Variants in SYNPO observed in about 807,000 individuals in gnomAD.
SYNPO encodes synaptopodin.
SYNPO carries 19 observed loss-of-function variants against 49.5 expected under a neutral mutation model. That is an observed-to-expected ratio of 0.38 (90% confidence interval 0.27 to 0.56). SYNPO has a LOEUF of 0.56. Among genes scored for constraint, SYNPO ranks in the 20% least tolerant of loss-of-function variants. The pLI, the probability that SYNPO is intolerant of heterozygous loss-of-function variation, is 0.68. For synonymous variants in SYNPO, 536 were observed against 548.0 expected (o/e 0.98, Z 0.31); for missense variants, 1,131 against 1,248.3 (o/e 0.91, Z 1.42).
upstream of SYNPO, among the ~76,000 whole-genome samples, chr5:150,600,008 G>T (rs967872366): frequency 1.1e-4 from 17 of 152,300 alleles, no homozygotes; most frequent in African/African-American, 4.1e-4. Flanking sequence ...GGAACAGCTT[G>T]CCGGCAAAAC....
intron 1 of SYNPO, among the ~76,000 whole-genome samples, chr5:150,613,765 A>G (rs1756913015): frequency 6.6e-6 from 1 of 152,170 alleles, no homozygotes; most frequent in South Asian, 2.1e-4. Context: ...TTCCACCTAT[A>G]AAATTAGATC....
At chr5:150,602,426 T>C (rs997386251) in intron 1 of SYNPO, among the ~76,000 whole-genome samples, 2 of 151,388 alleles carry the variant, frequency 1.3e-5, no homozygotes, top group African/African-American at 4.9e-5. Flanking sequence ...TAACAAGGAG[T>C]GTGTGTTGTT....
rs1415543673 is a variant in SYNPO at position 150,657,428 on chromosome 5, TCTCTCACACACACACACACA to T, written c.*343_*362del. 1 of 169,220 alleles carries T rather than the reference TCTCTCACACACACACACACA, an allele frequency of 5.9e-6. No homozygotes were observed. Among genetic ancestry groups the T allele is most frequent in the African/African-American group, 4.4e-5 (1 of 22,650 alleles). 10.5% of individuals were successfully genotyped at this position (169,220 alleles called of 1,614,324 possible). A position where few individuals can be genotyped will look rare whatever the true frequency, so the allele number is the denominator to read the frequency against. Reference sequence around the variant, plus strand: ...CACACTCTCTCTTTCTCTCTCTCTCTCTCTCACACACACACACACACACACACACACACACACACACACAC... The same window carrying T: ...CACACTCTCTCTTTCTCTCTCTCTCTCACACACACACACACACACACACAC... On this transcript the variant is annotated 3_prime_UTR_variant, in exon 3 of 3. Transcript: ENST00000307662.
At chr5:150,647,920 C>T in intron 1 of SYNPO, 24 bp from the exon 2 acceptor site, 1 of 1,540,958 alleles carries the variant, frequency 6.5e-7, no homozygotes. Flanking sequence ...TGTTTGCTAA[C>T]TGGGCTTTTG....
the SYNPO span, among the ~76,000 whole-genome samples, chr5:150,589,264 A>G: frequency 4.6e-5 from 7 of 152,096 alleles, no homozygotes; most frequent in Admixed American, 2.0e-4. Context: ...GGGTTTGGCT[A>G]TGTTGGCCAG....
chr5:150,618,152 G>A (rs1757032605), exon 2 of SYNPO: 1 of 540,836 alleles, frequency 1.8e-6, no homozygotes, highest in Admixed American at 3.7e-5. Flanking sequence ...AGAGGGATTG[G>A]AGGTCCACCA....
chr5:150,624,839 G>A, intron 2 of SYNPO: 2 of 984,536 alleles, frequency 2.0e-6, no homozygotes, highest in Non-Finnish European at 2.4e-6. Flanking sequence ...GGGGCGCGCT[G>A]ACGGACGCGG....
intron 1 of SYNPO, among the ~76,000 whole-genome samples, chr5:150,601,363 G>C (rs971964679): frequency 6.6e-6 from 1 of 152,140 alleles, no homozygotes; most frequent in Non-Finnish European, 1.5e-5. Flanking sequence ...CAGCTCTCCT[G>C]TTAACTGAAA....
In SYNPO at chr5:150,657,376, T is replaced by C; in HGVS notation, c.*289T>C. ...AATCCACAAACGTCAAAATTCCCCT[T>C]CCCATCAGTACACACACCGATGCAC... is the stretch of plus-strand genomic sequence containing the variant. On this transcript the variant is annotated 3_prime_UTR_variant, in exon 3 of 3. Transcript: ENST00000307662. The C allele has an allele frequency of 2.3e-6, 1 of 434,998 alleles. No homozygotes were observed. The allele number at this position is 434,998 out of a possible 1,614,324, so 26.9% of individuals were successfully genotyped here. A position where few individuals can be genotyped will look rare whatever the true frequency, so the allele number is the denominator to read the frequency against.
chr5:150,650,341 C>T (rs759606157), intron 2 of SYNPO, 38 bp downstream of exon 2: 2 of 1,613,252 alleles, frequency 1.2e-6, no homozygotes, highest in Admixed American at 1.7e-5. Flanking sequence ...TAACGAACCC[C>T]ACGGGGGTCC....
intron 2 of SYNPO, among the ~76,000 whole-genome samples, chr5:150,621,204 C>T (rs190503055): frequency 1.1e-3 from 169 of 152,246 alleles, no homozygotes; most frequent in Non-Finnish European, 4.9e-4. Flanking sequence ...CTGCCTGCCT[C>T]GGCCTCCCAA....
In SYNPO at chr5:150,649,077, A is replaced by G. The variant is rs41520647; in HGVS notation, c.802A>G (p.Lys268Glu). The G allele has an allele frequency of 6.4e-4, 1,025 of 1,613,766 alleles. No homozygotes were observed. The highest frequency in any genetic ancestry group is 7.8e-4 in the Non-Finnish European group (924 of 1,179,782). ...PMLERRHFGE[K>E]APAPQPPSLP... ...GCTAGAGAGACGACATTTTGGGGAG[A>G]AGGCCCCGGCTCCCCAGCCCCCCAG... The change falls in exon 2 of 3, where the codon AAG (lysine) becomes GAG (glutamate). Residue 268 changes from lysine (K) to glutamate (E), a missense_variant. Around this residue, in one of 4 missense-constraint regions of SYNPO, gnomAD observed 602 missense variants for 720.7 expected, o/e 0.84. Transcript: ENST00000307662.
chr5:150,657,321 C>T lies in SYNPO; in HGVS notation c.*234C>T. ...TTCCTTGTTTGACCCTCAGCTTTCC[C>T]ATCTGTTTAATGGTGGCTTTGGCCA... On this transcript the variant is annotated 3_prime_UTR_variant, in exon 3 of 3. Coordinates refer to ENST00000307662, the MANE Select transcript of SYNPO (RefSeq NM_007286.6). 1.8e-6 allele frequency: 1 copy of T among 568,426 alleles called. No individual in the cohort carries two copies. 35.2% of individuals were successfully genotyped at this position (568,426 alleles called of 1,614,324 possible).
chr5:150,631,556 A>G (rs1193239999), intron 2 of SYNPO, among the ~76,000 whole-genome samples: 1 of 152,294 alleles, frequency 6.6e-6, no homozygotes, highest in East Asian at 1.9e-4. Flanking sequence ...CGCAGGGGTC[A>G]GGGCAGTGGG....
At chr5:150,613,524 T>C (rs1213725721) in intron 1 of SYNPO, among the ~76,000 whole-genome samples, 1 of 152,204 alleles carries the variant, frequency 6.6e-6, no homozygotes, top group Non-Finnish European at 1.5e-5. Context: ...TGAGCCTGCA[T>C]TTGCAGTGTT....
At chr5:150,640,987 T>C in intron 1 of SYNPO, 133 bp downstream of exon 1, 1 of 405,914 alleles carries the variant, frequency 2.5e-6, no homozygotes, top group Non-Finnish European at 3.3e-6. Flanking sequence ...TCTGCCAGCC[T>C]GTGAGTGGTG....
chr5:150,656,338 T>C, intron 2 of SYNPO, 66 bp from the exon 3 acceptor site: 2 of 1,331,892 alleles, frequency 1.5e-6, no homozygotes, highest in Non-Finnish European at 2.0e-6. Context: ...CTCCGTCCCT[T>C]CCTAAAGCCC....
intron 2 of SYNPO, among the ~76,000 whole-genome samples, chr5:150,628,947 G>A (rs986187899): frequency 6.6e-6 from 1 of 152,160 alleles, no homozygotes; most frequent in African/African-American, 2.4e-5. Context: ...ATGGGCTCTC[G>A]CTTAAGACTA....
rs546374950 is a variant in SYNPO at position 150,657,129 on chromosome 5, G to C, written c.*42G>C. On this transcript the variant is annotated 3_prime_UTR_variant, in exon 3 of 3. Transcript: ENST00000307662. ...CCACCCCGGGAGGGCAGAGCCAGAA[G>C]AAGGCTCATTAGACCTGGGGGACCC... 31 of 1,538,534 alleles carry C rather than the reference G, an allele frequency of 2.0e-5. No homozygotes were observed. In the African/African-American group the frequency reaches 3.4e-4, roughly 17 times the overall value.
Sources: allele counts gnomAD v4.1 joint callset (sites outside exome capture counted in the v4.1 genomes callset), GRCh38; gene constraint gnomAD v4.1.1; regional missense constraint gnomAD v4.1.1; transcripts MANE v1.5; gene names NCBI Gene and HGNC (gene_info 2026-07-23, HGNC 2026-07-21).